The following FRMD4A variants were observed in gnomAD, a reference collection of about 807,000 sequenced individuals.
FRMD4A encodes FERM domain-containing protein 4A.
A neutral mutation model predicts 129.1 loss-of-function variants in FRMD4A; 29 were observed. The observed-to-expected ratio is 0.22, with a 90% CI of 0.17 to 0.31. The LOEUF is 0.31. Ranked by LOEUF, FRMD4A falls within the 10% of genes least tolerant of loss-of-function variation. The pLI, the probability that FRMD4A is intolerant of heterozygous loss-of-function variation, is 1.00. For missense variants in FRMD4A, 1,272 were observed against 1,375.8 expected, an observed-to-expected ratio of 0.92 and a Z score of 1.19; for synonymous variants, 634 against 571.6, an observed-to-expected ratio of 1.11 and a Z score of -1.56.
At chr10:14,162,641 G>GTTTTTTTTTTTTTTTTTTT (rs71388160) in intron 2 of FRMD4A, among the ~76,000 whole-genome samples, 26 of 118,392 alleles carry the variant, frequency 2.2e-4, no homozygotes, top group East Asian at 2.4e-4. Flanking sequence ...TTTTTTTTTT[G>GTTTTTTTTTTTTTTTTTTT]TTTTTTTTTT....
chr10:13,943,675 A>AAAAAAG (rs2095310696), intron 2 of FRMD4A, among the ~76,000 whole-genome samples: 5 of 123,786 alleles, frequency 4.0e-5, no homozygotes, highest in South Asian at 2.6e-4. Flanking sequence ...AAAAAAAAAA[A>AAAAAAG]AAAAGAAAAA....
intron 2 of FRMD4A, among the ~76,000 whole-genome samples, chr10:13,908,164 T>TAAAAAAAA: frequency 2.4e-5 from 1 of 41,118 alleles, no homozygotes; most frequent in Non-Finnish European, 4.2e-5. Context: ...AAACTCCATC[T>TAAAAAAAA]AAAAAAAAAA....
chr10:13,905,635 T>C (rs1038402223), intron 2 of FRMD4A, among the ~76,000 whole-genome samples: 3 of 152,226 alleles, frequency 2.0e-5, no homozygotes, highest in African/African-American at 7.2e-5. Context: ...ATTACACGCA[T>C]TATCTATAAT....
chr10:13,955,112 C>CTTTTTTTTTTTTTTTTTT lies in FRMD4A; in HGVS notation c.46-96201_46-96200insAAAAAAAAAAAAAAAAAA, dbSNP rs71388139. 6.5e-3 allele frequency among the ~76,000 whole-genome samples: 672 copies of CTTTTTTTTTTTTTTTTTT among 102,828 alleles called. 73 individuals carry two copies. Among genetic ancestry groups the CTTTTTTTTTTTTTTTTTT allele is most frequent in the Middle Eastern group, 0.019 (3 of 154 alleles). 67.5% of individuals were successfully genotyped at this position (102,828 alleles called of 152,430 possible). A position where few individuals can be genotyped will look rare whatever the true frequency, so the allele number is the denominator to read the frequency against. ...TTCCAACCCCATGTTAATAATTCTG[C>CTTTTTTTTTTTTTTTTTT]TTTTTTTTTTTTTGAGACGGAGTAT... On this transcript the variant is annotated intron_variant, in intron 2 of 24. Transcript: ENST00000357447.
chr10:13,908,444 C>T (rs2094906351), intron 2 of FRMD4A, among the ~76,000 whole-genome samples: 1 of 152,166 alleles, frequency 6.6e-6, no homozygotes, highest in Non-Finnish European at 1.5e-5. Flanking sequence ...TTCAACTTTA[C>T]AGAAATGCAG....
chr10:13,886,048 C>T (rs1167356983), intron 2 of FRMD4A, among the ~76,000 whole-genome samples: 2 of 152,152 alleles, frequency 1.3e-5, no homozygotes, highest in Non-Finnish European at 2.9e-5. Flanking sequence ...CTCTGGAGGA[C>T]CCACACTGTC....
intron 2 of FRMD4A, among the ~76,000 whole-genome samples, chr10:14,175,136 A>G (rs983823733): frequency 1.3e-5 from 2 of 152,158 alleles, no homozygotes; most frequent in African/African-American, 4.8e-5. Context: ...CTCTACTTCA[A>G]CTGGTGACTC....
At chr10:14,026,952 G>A (rs2447037) in intron 2 of FRMD4A, among the ~76,000 whole-genome samples, 131,549 of 152,186 alleles carry the variant, frequency 0.86, 56,926 homozygotes, top group South Asian at 0.93. Flanking sequence ...TTTTTTAAAA[G>A]AATTTATTTT....
rs200078941 is a variant in FRMD4A at position 13,693,978 on chromosome 10, G to A, written c.1037C>T (p.Thr346Met). The part of the protein sequence containing the change: ...EIAIDLTETG[T>M]LKTSKLANMG... Reference sequence around the variant, plus strand: ...GTTGGCCAGCTTCGAGGTCTTCAGCGTCCCCGTCTCGGTCAGGTCGATGGC... The same window carrying A: ...GTTGGCCAGCTTCGAGGTCTTCAGCATCCCCGTCTCGGTCAGGTCGATGGC... The change falls in exon 15 of 25, where the codon ACG becomes ATG. Residue 346 changes from threonine (T) to methionine (M), a missense_variant. Physicochemically the swap from Thr to Met is moderately conservative, Grantham distance 81. Coordinates refer to ENST00000357447, the MANE Select transcript of FRMD4A (RefSeq NM_018027.5). 38 of 1,563,634 alleles carry A rather than the reference G, an allele frequency of 2.4e-5. No homozygotes were observed. The highest frequency in any genetic ancestry group is 1.8e-4 in the East Asian group (8 of 44,470).
intron 2 of FRMD4A, among the ~76,000 whole-genome samples, chr10:13,898,601 A>G (rs1336146258): frequency 1.3e-5 from 2 of 152,200 alleles, no homozygotes; most frequent in East Asian, 3.8e-4. Context: ...TCTTAACTCT[A>G]GGATTTGAGT....
chr10:14,275,387 G>A (rs1589254240), intron 2 of FRMD4A, among the ~76,000 whole-genome samples: 1 of 152,362 alleles, frequency 6.6e-6, no homozygotes, highest in Non-Finnish European at 1.5e-5. Context: ...ACACATCGGG[G>A]TGAGTGTATC....
At chr10:13,804,835 G>C (rs1321500770) in intron 4 of FRMD4A, among the ~76,000 whole-genome samples, 5 of 151,516 alleles carry the variant, frequency 3.3e-5, no homozygotes, top group Non-Finnish European at 7.4e-5. Flanking sequence ...TAGGATTACA[G>C]GTGTGAACCA....
intron 2 of FRMD4A, among the ~76,000 whole-genome samples, chr10:13,993,066 T>G (rs1210248253): frequency 6.6e-6 from 1 of 151,886 alleles, no homozygotes; most frequent in Non-Finnish European, 1.5e-5. Flanking sequence ...CTACAAAACT[T>G]TGGGCTAAGT....
intron 2 of FRMD4A, among the ~76,000 whole-genome samples, chr10:14,172,170 C>T (rs754215652): frequency 3.3e-5 from 5 of 152,062 alleles, no homozygotes; most frequent in Non-Finnish European, 7.4e-5. Flanking sequence ...AATAAAAAGA[C>T]TAAAAAAGAA....
intron 5 of FRMD4A, 148 bp from the exon 6 acceptor site, chr10:13,783,154 A>T: frequency 3.3e-6 from 2 of 611,432 alleles, no homozygotes; most frequent in Non-Finnish European, 2.9e-6. Flanking sequence ...TTTTTCTATG[A>T]TTCCCTAGGG....
At chr10:14,329,120 C>T (rs892899102) in intron 2 of FRMD4A, among the ~76,000 whole-genome samples, 2 of 152,230 alleles carry the variant, frequency 1.3e-5, no homozygotes, top group African/African-American at 4.8e-5. Context: ...CTCATCAGGC[C>T]TTGCAAAGTT....
At chr10:13,953,177 C>T (rs920051630) in intron 2 of FRMD4A, among the ~76,000 whole-genome samples, 2 of 152,190 alleles carry the variant, frequency 1.3e-5, no homozygotes, top group Admixed American at 1.3e-4. Context: ...CAGGCTCTTC[C>T]ATATAGATGC....
intron 4 of FRMD4A, among the ~76,000 whole-genome samples, chr10:13,799,044 G>T (rs959667207): frequency 6.6e-6 from 1 of 152,132 alleles, no homozygotes; most frequent in Non-Finnish European, 1.5e-5. Context: ...GGGTGGGATG[G>T]GGGGGTCCTC....
At chr10:13,736,032 A>T (rs1232533331) in intron 12 of FRMD4A, among the ~76,000 whole-genome samples, 1 of 152,162 alleles carries the variant, frequency 6.6e-6, no homozygotes, top group Admixed American at 6.5e-5. Context: ...AGGCGCCTGT[A>T]ATCCAGCTAC....
Sources: allele counts gnomAD v4.1 joint callset (sites outside exome capture counted in the v4.1 genomes callset), GRCh38; gene constraint gnomAD v4.1.1; transcripts MANE v1.5; gene names NCBI Gene and HGNC (gene_info 2026-07-23, HGNC 2026-07-21).